The following KIF4A variants were observed in gnomAD, a reference collection of about 807,000 sequenced individuals.
The protein encoded by KIF4A is chromosome-associated kinesin KIF4A.
A neutral mutation model predicts 105.9 loss-of-function variants in KIF4A; 7 were observed. The ratio of observed to expected loss-of-function variants is 0.07; its 90% confidence interval spans 0.04 to 0.12. The LOEUF (loss-of-function observed/expected upper bound fraction) is 0.12, where lower values mean the gene tolerates loss of function less well. KIF4A is among the 10% of genes least tolerant of loss of function. KIF4A has a pLI of 1.00. For missense variants in KIF4A, 558 were observed against 929.2 expected, an observed-to-expected ratio of 0.60 and a Z score of 5.19; for synonymous variants, 281 against 331.3, an observed-to-expected ratio of 0.85 and a Z score of 1.65.
At chrX:70,367,983 C>T (rs1429824482) in intron 15 of KIF4A, among the ~76,000 whole-genome samples, 2 of 111,665 alleles carry the variant, frequency 1.8e-5, no homozygotes, top group South Asian at 3.8e-4. Context: ...CTTATCTTCT[C>T]GCTTCATTTC....
At chrX:70,346,180 A>T (rs1428348065) in intron 13 of KIF4A, among the ~76,000 whole-genome samples, 1 of 112,375 alleles carries the variant, frequency 8.9e-6, no homozygotes, top group Non-Finnish European at 1.9e-5. Context: ...AAGTTTAAAA[A>T]ATGGTAAGAA....
intron 16 of KIF4A, among the ~76,000 whole-genome samples, 169 bp downstream of exon 16, chrX:70,374,423 G>A (rs1385120849): frequency 8.9e-6 from 1 of 111,776 alleles, no homozygotes; most frequent in African/African-American, 3.2e-5. Flanking sequence ...TTTAAATAGC[G>A]TCTCAAGTTG....
At chrX:70,388,498 AC>A (rs1191000708) in intron 20 of KIF4A, among the ~76,000 whole-genome samples, 6 of 111,889 alleles carry the variant, frequency 5.4e-5, no homozygotes. Context: ...GTACCATTTT[AC>A]ATTCCTACTA....
At chrX:70,370,935 C>CAA (rs754711052) in intron 15 of KIF4A, among the ~76,000 whole-genome samples, 1,831 of 67,112 alleles carry the variant, frequency 0.027, 69 homozygotes, top group Non-Finnish European at 0.038. Context: ...GACTCTGTCT[C>CAA]AAAAAAAAAA....
chrX:70,407,147 G>A (rs1199722139), intron 28 of KIF4A, 72 bp downstream of exon 28: 37 of 1,069,490 alleles, frequency 3.5e-5, no homozygotes, highest in Middle Eastern at 2.7e-4. Context: ...TCACTCTGTC[G>A]CCCAGGCTGG....
At chrX:70,322,467 A>C (rs1265306639) in intron 7 of KIF4A, among the ~76,000 whole-genome samples, 2 of 107,683 alleles carry the variant, frequency 1.9e-5, no homozygotes, top group African/African-American at 3.4e-5. Flanking sequence ...GCCCACCACC[A>C]CGCCCGGCTA....
At chrX:70,404,097 T>TAA in intron 24 of KIF4A, 63 bp downstream of exon 24, 1 of 1,106,346 alleles carries the variant, frequency 9.0e-7, no homozygotes, top group Non-Finnish European at 1.2e-6. Flanking sequence ...TTGTTAGTTT[T>TAA]AAAAAAAAAG....
At chrX:70,393,857 CTTTCTTTCTTTCT>C (rs2147733274) in intron 20 of KIF4A, among the ~76,000 whole-genome samples, 1 of 3,800 alleles carries the variant, frequency 2.6e-4, no homozygotes, top group African/African-American at 3.4e-4. Context: ...TTCTTTCTTT[CTTTCTTTCTTTCT>C]TTTTTTTTTT....
chrX:70,349,850 G>T (rs1354397981), intron 13 of KIF4A, among the ~76,000 whole-genome samples: 9 of 93,208 alleles, frequency 9.7e-5, no homozygotes, highest in Non-Finnish European at 1.7e-4. Flanking sequence ...CCCAGACGGG[G>T]TGGCAGCCGG....
chrX:70,336,068 C>T (rs1437557344), intron 10 of KIF4A, among the ~76,000 whole-genome samples: 3 of 111,833 alleles, frequency 2.7e-5, no homozygotes, highest in Non-Finnish European at 5.6e-5. Context: ...TATTATATCA[C>T]CTTTTTTTCT....
intron 15 of KIF4A, among the ~76,000 whole-genome samples, chrX:70,364,648 G>C (rs913105431): frequency 1.2e-4 from 13 of 111,494 alleles, no homozygotes; most frequent in Non-Finnish European, 2.1e-4. Flanking sequence ...CTGTAGCCTT[G>C]TAGTATAGTT....
intron 20 of KIF4A, among the ~76,000 whole-genome samples, chrX:70,393,797 T>G (rs1249801949): frequency 4.0e-5 from 4 of 100,569 alleles, no homozygotes; most frequent in Non-Finnish European, 8.0e-5. Flanking sequence ...TTCTTTTCTT[T>G]TCTCTTTCTT....
intron 28 of KIF4A, among the ~76,000 whole-genome samples, chrX:70,411,411 G>A (rs899691979): frequency 1.8e-5 from 2 of 111,056 alleles, no homozygotes; most frequent in Non-Finnish European, 3.8e-5. Context: ...TCCTAGTCTG[G>A]TATTCTTTGT....
At chrX:70,409,816 AG>A (rs1195363285) in intron 28 of KIF4A, among the ~76,000 whole-genome samples, 1 of 109,324 alleles carries the variant, frequency 9.1e-6, no homozygotes, top group Admixed American at 9.8e-5. Context: ...AAAAAAGAAA[AG>A]AAAAAAAATG....
intron 27 of KIF4A, 48 bp downstream of exon 27, chrX:70,406,402 G>T (rs758206588): frequency 2.0e-6 from 2 of 1,017,799 alleles, no homozygotes; most frequent in Middle Eastern, 2.6e-4. Flanking sequence ...TAGGTTTGGG[G>T]TGAGTGTGCT....
intron 15 of KIF4A, among the ~76,000 whole-genome samples, chrX:70,368,058 G>T (rs1282353081): frequency 2.7e-5 from 3 of 111,778 alleles, no homozygotes; most frequent in African/African-American, 9.8e-5. Context: ...ACTGAGGCTT[G>T]TGCATTCGTC....
intron 13 of KIF4A, among the ~76,000 whole-genome samples, chrX:70,347,697 C>T (rs1454654858): frequency 3.7e-5 from 4 of 109,211 alleles, no homozygotes; most frequent in East Asian, 2.9e-4. Flanking sequence ...GATTTAGGGC[C>T]GGGCGCGGTG....
At chrX:70,407,734 A>G (rs1159760699) in intron 28 of KIF4A, among the ~76,000 whole-genome samples, 9 of 111,861 alleles carry the variant, frequency 8.0e-5, no homozygotes, top group Non-Finnish European at 1.1e-4. Flanking sequence ...CAGTTTATAA[A>G]CCATTCTCAT....
At chrX:70,312,075 T>G (rs905207626) in intron 7 of KIF4A, among the ~76,000 whole-genome samples, 2 of 110,132 alleles carry the variant, frequency 1.8e-5, no homozygotes, top group Admixed American at 9.7e-5. Flanking sequence ...ATAGATTTTA[T>G]TTATTTGGAT....
Sources: allele counts gnomAD v4.1 joint callset (sites outside exome capture counted in the v4.1 genomes callset), GRCh38; gene constraint gnomAD v4.1.1; transcripts MANE v1.5; gene names NCBI Gene and HGNC (gene_info 2026-07-23, HGNC 2026-07-21).